The following TSHZ2 variants were observed in gnomAD, a reference collection of about 807,000 sequenced individuals.
The protein encoded by TSHZ2 is teashirt homolog 2.
TSHZ2 carries 21 observed loss-of-function variants against 74.4 expected under a neutral mutation model. The ratio of observed to expected loss-of-function variants is 0.28; its 90% CI spans 0.20 to 0.41. The LOEUF is 0.41. Among genes scored for constraint, TSHZ2 ranks in the 10% least tolerant of loss-of-function variants. The pLI, the probability that TSHZ2 is intolerant of heterozygous loss-of-function variation, is 1.00. For synonymous variants in TSHZ2, 540 were observed against 515.3 expected (o/e 1.05, Z -0.65); for missense variants, 1,244 against 1,293.5 (o/e 0.96, Z 0.59).
chr20:53,230,968 A>G (rs188742866), intron 1 of TSHZ2, among the ~76,000 whole-genome samples: 3 of 152,334 alleles, frequency 2.0e-5, no homozygotes, highest in Non-Finnish European at 2.9e-5. Context: ...TAGGGATGCA[A>G]AGTAAAAGAG....
At chr20:53,319,546 G>A (rs2145518650) in intron 2 of TSHZ2, among the ~76,000 whole-genome samples, 1 of 152,336 alleles carries the variant, frequency 6.6e-6, no homozygotes, top group South Asian at 2.1e-4. Flanking sequence ...AATGACCCAG[G>A]AAGCCCCCTC....
intron 1 of TSHZ2, among the ~76,000 whole-genome samples, chr20:53,072,104 C>T (rs1183904245): frequency 6.6e-6 from 1 of 152,170 alleles, no homozygotes; most frequent in African/African-American, 2.4e-5. Flanking sequence ...GGCTGGGGAA[C>T]CCCGGTGGAA....
chr20:53,206,926 A>G (rs1056771628), intron 1 of TSHZ2, among the ~76,000 whole-genome samples: 5 of 152,052 alleles, frequency 3.3e-5, no homozygotes, highest in African/African-American at 1.2e-4. Flanking sequence ...TGTTTGATTT[A>G]TCTGTGCTTG....
At chr20:53,212,761 A>G (rs1258190316) in intron 1 of TSHZ2, among the ~76,000 whole-genome samples, 1 of 152,174 alleles carries the variant, frequency 6.6e-6, no homozygotes, top group Non-Finnish European at 1.5e-5. Context: ...GGTCCCCCAG[A>G]TTGAGAACCA....
At chr20:53,008,981 CT>C (rs879386260) in intron 1 of TSHZ2, among the ~76,000 whole-genome samples, 260 of 2,420 alleles carry the variant, frequency 0.11, no homozygotes, top group Non-Finnish European at 0.27. Context: ...TGTCTTTCTC[CT>C]CTCTCTCTCT....
chr20:53,392,100 T>C (rs1381341882), intron 2 of TSHZ2, among the ~76,000 whole-genome samples: 2 of 152,200 alleles, frequency 1.3e-5, no homozygotes, highest in Non-Finnish European at 1.5e-5. Flanking sequence ...TGGTCAATGA[T>C]AGGGCATCAG....
Position 53,473,504 on chromosome 20 carries a change from T to C in TSHZ2, c.*9-13640T>C, listed in dbSNP as rs1195023805. Among the ~76,000 whole-genome samples the C allele has an allele frequency of 2.9e-5, 4 of 138,180 alleles. 1 individual carries two copies. In the South Asian group the frequency reaches 9.6e-4, roughly 33 times the overall value. 90.7% of individuals were successfully genotyped at this position (138,180 alleles called of 152,430 possible). On this transcript the variant is annotated intron_variant, in intron 2 of 2. Coordinates refer to ENST00000371497, the MANE Select transcript of TSHZ2 (RefSeq NM_173485.6). ...TGGACATCCACACCAAAAACCCATC[T>C]GTACATCACCATCATCAAAGACCAA...
chr20:53,380,927 T>G (rs541074726), intron 2 of TSHZ2, among the ~76,000 whole-genome samples: 6 of 152,110 alleles, frequency 3.9e-5, no homozygotes, highest in African/African-American at 1.2e-4. Flanking sequence ...TATAAGAAAA[T>G]AGATACTATA....
At chr20:53,162,197 C>T (rs1244513307) in intron 1 of TSHZ2, among the ~76,000 whole-genome samples, 1 of 152,076 alleles carries the variant, frequency 6.6e-6, no homozygotes, top group Non-Finnish European at 1.5e-5. Flanking sequence ...AAAAGAGACT[C>T]GCCTCAAAAT....
intron 1 of TSHZ2, among the ~76,000 whole-genome samples, chr20:53,197,952 G>C (rs562380604): frequency 6.6e-6 from 1 of 152,110 alleles, no homozygotes; most frequent in Non-Finnish European, 1.5e-5. Flanking sequence ...AAGGTGACCC[G>C]ACAGGCAATA....
At chr20:53,096,107 T>TTA (rs1185827162) in intron 1 of TSHZ2, among the ~76,000 whole-genome samples, 1 of 152,200 alleles carries the variant, frequency 6.6e-6, no homozygotes, top group Non-Finnish European at 1.5e-5. Context: ...CTCCCTCCTG[T>TTA]TAACACTAAC....
chr20:53,372,901 C>T (rs901249939), intron 2 of TSHZ2, among the ~76,000 whole-genome samples: 2 of 152,158 alleles, frequency 1.3e-5, no homozygotes, highest in Non-Finnish European at 2.9e-5. Context: ...AAAAGCAAAC[C>T]GCTTTTTCAC....
chr20:53,200,376 AG>A (rs1389038859), intron 1 of TSHZ2, among the ~76,000 whole-genome samples: 3 of 152,352 alleles, frequency 2.0e-5, no homozygotes, highest in East Asian at 1.9e-4. Context: ...GATGCCAGTA[AG>A]GCTGAGCACA....
rs369735696 is a variant in TSHZ2 at position 53,073,458 on chromosome 20, A to G, written c.40+100125A>G. Among the ~76,000 whole-genome samples the G allele has an allele frequency of 1.2e-4, 19 of 152,122 alleles. No homozygotes were observed. The East Asian group carries it at 2.7e-3, about 22-fold the overall frequency. On this transcript the variant is annotated intron_variant, in intron 1 of 2. Coordinates refer to ENST00000371497, the MANE Select transcript of TSHZ2 (RefSeq NM_173485.6). ...CCTCCATCCATCCATCCATTCATCC[A>G]TTTCTCTATTCTTCCATTTACACAT... is the stretch of plus-strand genomic sequence containing the variant.
At chr20:53,211,610 C>T (rs867485335) in intron 1 of TSHZ2, among the ~76,000 whole-genome samples, 4 of 152,170 alleles carry the variant, frequency 2.6e-5, no homozygotes, top group Non-Finnish European at 5.9e-5. Context: ...CAATACTCAG[C>T]AGGCTCAGAT....
chr20:53,101,902 C>T (rs1181478148), intron 1 of TSHZ2, among the ~76,000 whole-genome samples: 3 of 152,084 alleles, frequency 2.0e-5, no homozygotes, highest in South Asian at 2.1e-4. Flanking sequence ...GAAGTTATCA[C>T]ATTTTATTTC....
intron 2 of TSHZ2, among the ~76,000 whole-genome samples, chr20:53,372,943 G>T (rs1487125677): frequency 6.6e-6 from 1 of 152,124 alleles, no homozygotes. Flanking sequence ...AGGACTTCAA[G>T]AAAACTGCCC....
intron 2 of TSHZ2, among the ~76,000 whole-genome samples, chr20:53,363,203 G>C (rs1032924693): frequency 2.0e-5 from 3 of 152,228 alleles, no homozygotes; most frequent in African/African-American, 7.2e-5. Flanking sequence ...TCCTGGATTG[G>C]CTTCTGGCCT....
At chr20:53,193,828 G>T (rs1473989380) in intron 1 of TSHZ2, among the ~76,000 whole-genome samples, 1 of 151,320 alleles carries the variant, frequency 6.6e-6, no homozygotes, top group Non-Finnish European at 1.5e-5. Flanking sequence ...TAAGAGGGAG[G>T]AACCTTGAAC....
Sources: gnomAD v4.1 joint callset for allele counts (sites outside exome capture counted in the v4.1 genomes callset) on GRCh38, gnomAD v4.1.1 for gene constraint, MANE v1.5 for transcripts, NCBI Gene and HGNC (gene_info 2026-07-23, HGNC 2026-07-21) for gene names.